GMDS: variants seen among roughly 807,000 people sequenced by gnomAD.
GMDS encodes the protein GDP-mannose 4,6 dehydratase.
GMDS carries 20 observed loss-of-function variants against 49.9 expected under a neutral mutation model. The observed-to-expected ratio is 0.40, with a 90% CI of 0.28 to 0.58. GMDS has a LOEUF of 0.58. Among genes scored for constraint, GMDS ranks in the 20% least tolerant of loss-of-function variants. GMDS has a pLI of 0.42. For missense variants in GMDS, 362 were observed against 481.4 expected (o/e 0.75, Z 2.32); for synonymous variants, 177 against 178.6 (o/e 0.99, Z 0.07).
intron 9 of GMDS, among the ~76,000 whole-genome samples, chr6:1,666,599 T>G (rs1378806645): frequency 2.0e-5 from 3 of 152,310 alleles, no homozygotes; most frequent in Middle Eastern, 3.4e-3. Context: ...TACAGTCAGC[T>G]TTTCACGTGA....
Position 2,115,801 on chromosome 6 carries a change from G to A in GMDS, c.315C>T (p.Ile105=). Residue 105 remains isoleucine (I), a synonymous_variant, in exon 4 of 11, where the codon ATC becomes ATT. Coordinates refer to ENST00000380815, the MANE Select transcript of GMDS (RefSeq NM_001500.4). ...KIINEVKPTE[I]YNLGAQSHVK... ...CGTGGCTCTGGGCTCCAAGGTTGTA[G>A]ATCTCTGTGGGCTTTACTTCATTAA... is the stretch of plus-strand genomic sequence containing the variant. The A allele has an allele frequency of 6.2e-7, 1 of 1,603,472 alleles. No individual in the cohort carries two copies. Among genetic ancestry groups the A allele is most frequent in the Non-Finnish European group, 8.5e-7 (1 of 1,170,518 alleles).
intron 7 of GMDS, among the ~76,000 whole-genome samples, chr6:1,780,681 C>T (rs3800061): frequency 0.083 from 12,692 of 152,230 alleles, 640 homozygotes; most frequent in East Asian, 0.24. Context: ...GCCCAGGTGC[C>T]GGCAGCATCA....
chr6:2,009,409 G>A (rs895772268), intron 4 of GMDS, among the ~76,000 whole-genome samples: 4 of 152,154 alleles, frequency 2.6e-5, no homozygotes, highest in Non-Finnish European at 5.9e-5. Flanking sequence ...CCAGATTCAG[G>A]AACCAATGGT....
chr6:1,650,023 T>C (rs967744616), intron 9 of GMDS, among the ~76,000 whole-genome samples: 14 of 152,202 alleles, frequency 9.2e-5, no homozygotes, highest in African/African-American at 1.4e-4. Context: ...GATCTTGCCG[T>C]CTGACCTTGG....
chr6:1,660,881 G>T (rs547140902), intron 9 of GMDS, among the ~76,000 whole-genome samples: 1 of 151,108 alleles, frequency 6.6e-6, no homozygotes, highest in South Asian at 2.1e-4. Flanking sequence ...CTTCTTTCCA[G>T]CATAGTTCCA....
intron 4 of GMDS, among the ~76,000 whole-genome samples, chr6:2,088,472 A>G (rs1008705279): frequency 5.6e-4 from 86 of 152,334 alleles, no homozygotes; most frequent in Non-Finnish European, 1.2e-3. Flanking sequence ...CCTCCTATCA[A>G]CCTCATCTTG....
At chr6:1,660,393 C>A (rs1764028737) in intron 9 of GMDS, among the ~76,000 whole-genome samples, 1 of 151,882 alleles carries the variant, frequency 6.6e-6, no homozygotes, top group South Asian at 2.1e-4. Flanking sequence ...TTGACAGCAT[C>A]CAAAATCCAA....
intron 6 of GMDS, among the ~76,000 whole-genome samples, chr6:1,956,154 C>G (rs765337390): frequency 2.0e-5 from 3 of 152,116 alleles, no homozygotes; most frequent in Middle Eastern, 3.2e-3. Flanking sequence ...ACAATCAACC[C>G]AAGTGAAAGT....
chr6:1,866,170 T>C (rs1006466635), intron 7 of GMDS, among the ~76,000 whole-genome samples: 12 of 152,198 alleles, frequency 7.9e-5, no homozygotes, highest in African/African-American at 2.9e-4. Context: ...CACTGCATTT[T>C]TGAGAGTGCA....
chr6:1,627,588 A>G (rs374128550), intron 9 of GMDS, among the ~76,000 whole-genome samples: 4 of 152,212 alleles, frequency 2.6e-5, no homozygotes, highest in African/African-American at 9.7e-5. Context: ...TCAGCTCCTA[A>G]GGACAAGAGA....
chr6:2,117,396 A>G lies in GMDS; in HGVS notation c.235+73T>C, dbSNP rs569139442. On this transcript the variant is annotated intron_variant, in intron 3 of 10. Coordinates refer to ENST00000380815, the MANE Select transcript of GMDS (RefSeq NM_001500.4). ...GCTTTGACAAAAATGACATTTGAAA[A>G]CACCTTATCTGAACATAGGAACATC... 104 of 878,778 alleles carry G rather than the reference A, an allele frequency of 1.2e-4. No homozygotes were observed. In the African/African-American group the frequency reaches 1.6e-3, roughly 13 times the overall value. 54.4% of individuals were successfully genotyped at this position (878,778 alleles called of 1,614,324 possible). A position where few individuals can be genotyped will look rare whatever the true frequency, so the allele number is the denominator to read the frequency against.
intron 6 of GMDS, among the ~76,000 whole-genome samples, chr6:1,948,601 G>C (rs756054786): frequency 2.6e-5 from 4 of 152,056 alleles, no homozygotes; most frequent in African/African-American, 9.7e-5. Flanking sequence ...AGGCTGCAGT[G>C]AACTATGATC....
Position 1,742,448 on chromosome 6 carries a change from C to A in GMDS, c.890+20G>T. On this transcript the variant is annotated intron_variant, in intron 8 of 10. Coordinates refer to ENST00000380815, the MANE Select transcript of GMDS (RefSeq NM_001500.4). ...TACCTGCCAGAGAGCTACAAGTAGTCATTTCTCAGGTATACTTACACAATG... is the reference window on the plus strand; with the variant it reads ...TACCTGCCAGAGAGCTACAAGTAGTAATTTCTCAGGTATACTTACACAATG... The A allele has an allele frequency of 2.9e-6, 4 of 1,362,504 alleles. No homozygotes were observed. The South Asian group carries it at 4.7e-5, about 16-fold the overall frequency. 84.4% of individuals were successfully genotyped at this position (1,362,504 alleles called of 1,614,324 possible). A position where few individuals can be genotyped will look rare whatever the true frequency, so the allele number is the denominator to read the frequency against.
intron 4 of GMDS, among the ~76,000 whole-genome samples, chr6:2,036,054 G>A (rs922471306): frequency 6.6e-6 from 1 of 152,138 alleles, no homozygotes; most frequent in Admixed American, 6.6e-5. Context: ...CTGGGCGACT[G>A]TCTCAGCCGT....
At position 2,138,145 on chromosome 6, in the gene GMDS, CA is replaced by C. The variant is rs535189609; in HGVS notation, c.103-13415del. Among the ~76,000 whole-genome samples, 872 of 151,334 alleles carry C rather than the reference CA, an allele frequency of 5.8e-3. 2 individuals are homozygous for C. Among genetic ancestry groups the C allele is most frequent in the Middle Eastern group, 0.017 (5 of 294 alleles). On this transcript the variant is annotated intron_variant, in intron 1 of 10. Transcript: ENST00000380815. The stretch of plus-strand genomic sequence containing the variant: ...TCTGCCACAAATCTGTTATTTTTGG[CA>C]AAAAAAATTACAACATTTATTTATA...
intron 6 of GMDS, among the ~76,000 whole-genome samples, chr6:1,936,966 CA>C (rs34542518): frequency 0.35 from 34,023 of 97,194 alleles, 3,658 homozygotes; most frequent in East Asian, 0.39. Context: ...GACTCTGTCT[CA>C]AAAAAAAAAA....
At chr6:1,939,598 CATAT>C (rs560755470) in intron 6 of GMDS, among the ~76,000 whole-genome samples, 1,145 of 87,596 alleles carry the variant, frequency 0.013, 3 homozygotes, top group East Asian at 0.023. Flanking sequence ...CACACACACA[CATAT>C]ACACATACAC....
intron 7 of GMDS, among the ~76,000 whole-genome samples, chr6:1,868,894 T>C (rs1238037088): frequency 6.6e-6 from 1 of 152,268 alleles, no homozygotes; most frequent in Non-Finnish European, 1.5e-5. Flanking sequence ...TTTATTTTAA[T>C]GAATTACTCA....
intron 1 of GMDS, among the ~76,000 whole-genome samples, chr6:2,198,350 A>C (rs1779364273): frequency 1.3e-5 from 2 of 152,224 alleles, no homozygotes; most frequent in African/African-American, 4.8e-5. Flanking sequence ...AATAGGAAAA[A>C]AATATTTGTT....
Sources: gnomAD v4.1 joint callset for allele counts (sites outside exome capture counted in the v4.1 genomes callset) on GRCh38, gnomAD v4.1.1 for gene constraint, MANE v1.5 for transcripts, NCBI Gene and HGNC (gene_info 2026-07-23, HGNC 2026-07-21) for gene names.